TMPRSS9: variants seen among roughly 807,000 people sequenced by gnomAD.
TMPRSS9 encodes transmembrane serine protease 9.
Under a neutral mutation model 111.4 loss-of-function variants are expected in TMPRSS9, and 113 were observed. The ratio of observed to expected loss-of-function variants is 1.01; its 90% CI spans 0.87 to 1.19. TMPRSS9 has a LOEUF of 1.19. Ranked by LOEUF, TMPRSS9 falls within the 50% of genes most tolerant of loss-of-function variation. The pLI is 0.00. For synonymous variants in TMPRSS9, 805 were observed against 659.1 expected, an observed-to-expected ratio of 1.22 and a Z score of -3.39; for missense variants, 1,803 against 1,513.1, an observed-to-expected ratio of 1.19 and a Z score of -3.18.
intron 13 of TMPRSS9, among the ~76,000 whole-genome samples, chr19:2,420,289 G>A (rs1360251055): frequency 6.6e-6 from 1 of 151,946 alleles, no homozygotes; most frequent in African/African-American, 2.4e-5. Context: ...AAAACTACAA[G>A]AATTTAGCCA....
chr19:2,405,172 A>T (rs1005316956), intron 6 of TMPRSS9, among the ~76,000 whole-genome samples: 3 of 151,944 alleles, frequency 2.0e-5, no homozygotes, highest in Non-Finnish European at 4.4e-5. Context: ...TGCTTGACCT[A>T]CGTGCCAGGA....
At chr19:2,387,132 G>A (rs1336038312), upstream of TMPRSS9, among the ~76,000 whole-genome samples, 1 of 152,070 alleles carries the variant, frequency 6.6e-6, no homozygotes, top group East Asian at 1.9e-4. Context: ...CAAGGCGGGT[G>A]GATCACCTGA....
rs370089997 is a variant in TMPRSS9, at chr19:2,381,962, G to A, written c.-25-7799G>A. 7.2e-5 allele frequency among the ~76,000 whole-genome samples: 11 copies of A among 152,186 alleles called. No individual in the cohort carries two copies. In the East Asian group the frequency reaches 1.5e-3, roughly 21 times the overall value. ...GGTTCAAGAGATTGACCTATCTTAG[G>A]CTCCCAAATAGCTGGGATTACAGGC... On this transcript the variant is annotated intron_variant, in intron 1 of 17. Transcript: ENST00000649857.
chr19:2,405,751 G>A (rs1599299686), intron 7 of TMPRSS9, among the ~76,000 whole-genome samples: 2 of 149,632 alleles, frequency 1.3e-5, no homozygotes. Flanking sequence ...TGTTGTCCAG[G>A]CTGGAGTGCA....
At chr19:2,415,799 T>G (rs764477660) in exon 11 of TMPRSS9, 10 of 1,604,812 alleles carry the variant, frequency 6.2e-6, no homozygotes, top group Non-Finnish European at 8.5e-6. Flanking sequence ...GCAACTGTGG[T>G]GGGGGACCGC....
chr19:2,398,297 A>AAAT (rs1190388381), intron 2 of TMPRSS9, among the ~76,000 whole-genome samples: 3 of 145,456 alleles, frequency 2.1e-5, no homozygotes, highest in African/African-American at 5.1e-5. Flanking sequence ...CTCTGTCTCA[A>AAAT]AATAATAATA....
chr19:2,422,298 C>T lies in TMPRSS9; in HGVS notation c.2548+51C>T, dbSNP rs758154229. 4 of 1,476,458 alleles carry T rather than the reference C, an allele frequency of 2.7e-6. No homozygotes were observed. In the South Asian group the frequency reaches 5.6e-5, roughly 21 times the overall value. The allele number at this position is 1,476,458 out of a possible 1,614,324, so 91.5% of individuals were successfully genotyped here. A position where few individuals can be genotyped will look rare whatever the true frequency, so the allele number is the denominator to read the frequency against. On this transcript the variant is annotated intron_variant, in intron 14 of 17. Coordinates refer to ENST00000648592, the Ensembl canonical transcript of TMPRSS9. ...TGGGAGTGGAGGGTCCCATGTTAAT[C>T]AGCCTGGGCTGCCTAACAAGACATA...
chr19:2,385,265 A>G (rs761308326), upstream of TMPRSS9, among the ~76,000 whole-genome samples: 113 of 151,406 alleles, frequency 7.5e-4, no homozygotes, highest in Admixed American at 1.7e-3. Flanking sequence ...GAGGGATCCC[A>G]GTGCTCCCGG....
At chr19:2,394,699 A>G (rs899887875) in intron 1 of TMPRSS9, among the ~76,000 whole-genome samples, 2 of 152,158 alleles carry the variant, frequency 1.3e-5, no homozygotes, top group Non-Finnish European at 2.9e-5. Flanking sequence ...TAGCATATCT[A>G]TCCATTTAGG....
At chr19:2,383,337 C>T (rs1479209833) in intron 1 of TMPRSS9, among the ~76,000 whole-genome samples, 1 of 148,708 alleles carries the variant, frequency 6.7e-6, no homozygotes, top group African/African-American at 2.5e-5. Flanking sequence ...CTGGGTGACA[C>T]AGCTAGATTC....
chr19:2,400,753 C>A (rs1385997662), intron 4 of TMPRSS9, among the ~76,000 whole-genome samples: 4 of 151,572 alleles, frequency 2.6e-5, no homozygotes. Context: ...GTGGGTGGAT[C>A]ACCTGAGGTC....
chr19:2,371,894 G>GGGCTGGAGGCTGT (rs1331728749), intron 1 of TMPRSS9, among the ~76,000 whole-genome samples: 1 of 152,114 alleles, frequency 6.6e-6, no homozygotes, highest in African/African-American at 2.4e-5. Flanking sequence ...GGCGTCTGTT[G>GGGCTGGAGGCTGT]GGCTGGAGGC....
At position 2,415,857 on chromosome 19, in the gene TMPRSS9, T is replaced by C. The variant is rs1387314102; in HGVS notation, c.1745+16T>C. 1 of 1,558,630 alleles carries C rather than the reference T, an allele frequency of 6.4e-7. No homozygotes were observed. Among genetic ancestry groups the C allele is most frequent in the South Asian group, 1.2e-5 (1 of 84,674 alleles). On this transcript the variant is annotated intron_variant, in intron 11 of 17. Coordinates refer to ENST00000648592, the Ensembl canonical transcript of TMPRSS9. ...GCTTCAACCAGTAAGGCCCGCCTCC[T>C]CCAGGAAGGCTGCCCGGCTTCCCCT...
chr19:2,411,400 CTT>C (rs571815184), intron 9 of TMPRSS9, among the ~76,000 whole-genome samples: 26 of 100,674 alleles, frequency 2.6e-4, no homozygotes, highest in Admixed American at 4.4e-4. Context: ...TCTTCTTCTT[CTT>C]TTTTTTTTTT....
chr19:2,373,418 T>C (rs576041614), intron 1 of TMPRSS9, among the ~76,000 whole-genome samples: 15 of 151,168 alleles, frequency 9.9e-5, no homozygotes, highest in Non-Finnish European at 1.2e-4. Flanking sequence ...TTAGTAGAGA[T>C]AGGGTTTTGT....
rs150795946 is a variant in TMPRSS9, at chr19:2,371,876, G to A, written c.-26+11516G>A. Among the ~76,000 whole-genome samples the A allele has an allele frequency of 2.8e-3, 429 of 152,280 alleles. 7 individuals are homozygous for A. The highest frequency in any genetic ancestry group is 9.8e-3 in the African/African-American group (409 of 41,576). On this transcript the variant is annotated intron_variant, in intron 1 of 17. Coordinates refer to the TMPRSS9 transcript ENST00000649857. ...CCTCCCGCCTGGGCCAGAGGATGCC[G>A]AGAGAGTGGCGTCTGTTGGGCTGGA...
exon 16 of TMPRSS9, chr19:2,425,182 T>C (rs1429437489): frequency 3.9e-6 from 6 of 1,549,664 alleles, no homozygotes; most frequent in African/African-American, 1.4e-5. Flanking sequence ...GCCTGGTGCG[T>C]CCCATCTGCC....
In TMPRSS9 at chr19:2,366,835, C is replaced by T. The variant is rs534132361; in HGVS notation, c.-26+6475C>T. 4.7e-4 allele frequency among the ~76,000 whole-genome samples: 63 copies of T among 134,256 alleles called. 1 individual carries two copies. The South Asian group carries it at 0.013, about 27-fold the overall frequency. 88.1% of individuals were successfully genotyped at this position (134,256 alleles called of 152,430 possible). A position where few individuals can be genotyped will look rare whatever the true frequency, so the allele number is the denominator to read the frequency against. Reference sequence around the variant, plus strand: ...TTGCGCCACTGCACTCCAGCCTGGGCGACAGAGCGAGACTCCATTTCAAAA... The same window carrying T: ...TTGCGCCACTGCACTCCAGCCTGGGTGACAGAGCGAGACTCCATTTCAAAA... On this transcript the variant is annotated intron_variant, in intron 1 of 17. Transcript: ENST00000649857.
chr19:2,367,971 A>G (rs762311547), intron 1 of TMPRSS9, among the ~76,000 whole-genome samples: 11 of 152,142 alleles, frequency 7.2e-5, no homozygotes, highest in Non-Finnish European at 1.5e-4. Flanking sequence ...TCAGCTTCCC[A>G]AAATGTTGGG....
Sources: allele counts gnomAD v4.1 joint callset (sites outside exome capture counted in the v4.1 genomes callset), GRCh38; gene constraint gnomAD v4.1.1; transcripts MANE v1.5; gene names NCBI Gene and HGNC (gene_info 2026-07-23, HGNC 2026-07-21).